Variants in FMNL2 observed in about 807,000 individuals in gnomAD.
The protein encoded by FMNL2 is formin like 2.
FMNL2 carries 51 observed loss-of-function variants against 130.2 expected under a neutral mutation model. That is an observed-to-expected ratio of 0.39 (90% CI 0.31 to 0.49). The LOEUF (loss-of-function observed/expected upper bound fraction) is 0.49. Ranked by LOEUF, FMNL2 falls within the 20% of genes least tolerant of loss-of-function variation. The pLI is 0.85. For missense variants in FMNL2, 977 were observed against 1,316.2 expected (o/e 0.74, Z 3.99); for synonymous variants, 465 against 467.1 (o/e 1.00, Z 0.06).
At chr2:152,378,362 CT>C (rs753685776) in intron 1 of FMNL2, among the ~76,000 whole-genome samples, 3 of 152,112 alleles carry the variant, frequency 2.0e-5, no homozygotes, top group Non-Finnish European at 4.4e-5. Flanking sequence ...AGCATTTATA[CT>C]TTATTTTCAG....
intron 1 of FMNL2, among the ~76,000 whole-genome samples, chr2:152,488,659 T>C (rs992278966): frequency 2.0e-5 from 3 of 152,162 alleles, no homozygotes; most frequent in East Asian, 1.9e-4. Context: ...CACACACACA[T>C]ATATATTTAA....
Position 152,647,975 on chromosome 2 carries a change from C to T in FMNL2, c.*70C>T. The T allele has an allele frequency of 1.6e-6, 2 of 1,244,978 alleles. No homozygotes were observed. Among genetic ancestry groups the T allele is most frequent in the Non-Finnish European group, 1.1e-6 (1 of 884,392 alleles). 77.1% of individuals were successfully genotyped at this position (1,244,978 alleles called of 1,614,324 possible). Reference sequence around the variant, plus strand: ...CTGCCCACATGAACTTTATGTGCTACGATTTAACTGCAGCCTTGAACACAC... The same window carrying T: ...CTGCCCACATGAACTTTATGTGCTATGATTTAACTGCAGCCTTGAACACAC... On this transcript the variant is annotated 3_prime_UTR_variant, in exon 26 of 26. Transcript: ENST00000288670.
chr2:152,467,341 T>TTC (rs1402276181), intron 1 of FMNL2, among the ~76,000 whole-genome samples: 1 of 152,192 alleles, frequency 6.6e-6, no homozygotes, highest in East Asian at 1.9e-4. Flanking sequence ...AACACACAAA[T>TTC]CTCAAAATAG....
chr2:152,590,873 C>T (rs2105774611), intron 9 of FMNL2, among the ~76,000 whole-genome samples: 1 of 151,212 alleles, frequency 6.6e-6, no homozygotes, highest in Non-Finnish European at 1.5e-5. Flanking sequence ...ACTGGGACAA[C>T]TCCTTTGTGT....
intron 6 of FMNL2, among the ~76,000 whole-genome samples, chr2:152,562,693 A>C (rs1231836606): frequency 6.6e-6 from 1 of 152,232 alleles, no homozygotes; most frequent in Admixed American, 6.5e-5. Context: ...GCTAATCTGC[A>C]TCAGCTTCAC....
intron 1 of FMNL2, among the ~76,000 whole-genome samples, chr2:152,490,568 A>AATGT (rs1553465312): frequency 5.7e-5 from 2 of 35,368 alleles, no homozygotes; most frequent in Non-Finnish European, 1.4e-4. Flanking sequence ...TTTGCTATCC[A>AATGT]ATGTGTGTGT....
chr2:152,456,809 G>T (rs1471537792), intron 1 of FMNL2, among the ~76,000 whole-genome samples: 1 of 151,954 alleles, frequency 6.6e-6, no homozygotes, highest in South Asian at 2.1e-4. Context: ...ACCAGGCGTG[G>T]CACCTGTAGT....
intron 1 of FMNL2, among the ~76,000 whole-genome samples, chr2:152,379,724 GCTTTATTATGTATGGCAAA>G (rs1477973589): frequency 6.6e-6 from 1 of 152,152 alleles, no homozygotes; most frequent in Admixed American, 6.5e-5. Context: ...CCTGTCAATA[GCTTTATTATGTATGGCAAA>G]CACAATGCTA....
At position 152,545,662 on chromosome 2, in the gene FMNL2, G is replaced by A. The variant is rs183914185; in HGVS notation, c.282+2843G>A. Among the ~76,000 whole-genome samples the A allele has an allele frequency of 3.4e-4, 51 of 152,232 alleles. No individual in the cohort carries two copies. The East Asian group carries it at 8.7e-3, about 26-fold the overall frequency. ...CTCATCCTGGGCTCAGCTGCCTCTG[G>A]GGGCTCATCCCAGGCCTCCCTTGAT... On this transcript the variant is annotated intron_variant, in intron 3 of 25. Coordinates refer to ENST00000288670, the MANE Select transcript of FMNL2 (RefSeq NM_052905.4).
intron 1 of FMNL2, among the ~76,000 whole-genome samples, chr2:152,429,770 C>T (rs373791965): frequency 1.8e-4 from 27 of 152,082 alleles, no homozygotes; most frequent in Non-Finnish European, 3.8e-4. Context: ...GGATCTAAGA[C>T]CTGCTTTTGT....
chr2:152,451,805 C>T (rs1294749785), intron 1 of FMNL2, among the ~76,000 whole-genome samples: 1 of 152,164 alleles, frequency 6.6e-6, no homozygotes, highest in African/African-American at 2.4e-5. Flanking sequence ...ATTCCTCTTT[C>T]TACAGACTTC....
intron 25 of FMNL2, among the ~76,000 whole-genome samples, chr2:152,645,063 T>C (rs916397218): frequency 1.3e-5 from 2 of 152,270 alleles, no homozygotes; most frequent in Non-Finnish European, 2.9e-5. Flanking sequence ...TGTTCTTCTA[T>C]CTCTGATATC....
intron 1 of FMNL2, among the ~76,000 whole-genome samples, chr2:152,517,664 T>C (rs899668949): frequency 1.3e-5 from 2 of 152,210 alleles, no homozygotes; most frequent in African/African-American, 4.8e-5. Flanking sequence ...ATAATACTCT[T>C]GGATGATCTA....
chr2:152,484,236 C>T (rs1488637792), intron 1 of FMNL2, among the ~76,000 whole-genome samples: 2 of 152,174 alleles, frequency 1.3e-5, no homozygotes, highest in African/African-American at 4.8e-5. Context: ...TACAAAATTA[C>T]TTTAAATATT....
intron 9 of FMNL2, among the ~76,000 whole-genome samples, chr2:152,595,740 CGGA>C (rs1448174983): frequency 1.3e-5 from 2 of 152,004 alleles, no homozygotes; most frequent in African/African-American, 4.8e-5. Flanking sequence ...TTTTCCCATG[CGGA>C]GGAGATCTCT....
At chr2:152,521,844 A>G in intron 1 of FMNL2, 99 bp from the exon 2 acceptor site, 1 of 896,884 alleles carries the variant, frequency 1.1e-6, no homozygotes, top group Non-Finnish European at 1.8e-6. Flanking sequence ...AAAGTCATGA[A>G]AAAACCATAG....
chr2:152,542,225 T>G (rs547496354), intron 2 of FMNL2, among the ~76,000 whole-genome samples: 2 of 152,356 alleles, frequency 1.3e-5, no homozygotes, highest in East Asian at 3.9e-4. Context: ...ATTCCAGCAA[T>G]TGACTCGTTG....
chr2:152,614,487 G>A (rs562238589), intron 11 of FMNL2, among the ~76,000 whole-genome samples: 8 of 152,244 alleles, frequency 5.3e-5, no homozygotes, highest in East Asian at 1.9e-4. Flanking sequence ...GCTCACGCCT[G>A]TAATCCCAGC....
intron 1 of FMNL2, among the ~76,000 whole-genome samples, chr2:152,358,249 C>T (rs1306170113): frequency 1.7e-4 from 26 of 152,206 alleles, no homozygotes; most frequent in Admixed American, 1.7e-3. Flanking sequence ...GAGGCCTGCA[C>T]TATCAGCTTC....
Sources: gnomAD v4.1 joint callset for allele counts (sites outside exome capture counted in the v4.1 genomes callset) on GRCh38, gnomAD v4.1.1 for gene constraint, MANE v1.5 for transcripts, NCBI Gene and HGNC (gene_info 2026-07-23, HGNC 2026-07-21) for gene names.